The following MEPCE variants were observed in gnomAD, a reference collection of about 807,000 sequenced individuals.
The protein encoded by MEPCE is methylphosphate capping enzyme.
In MEPCE, 9 loss-of-function variants were observed where a neutral mutation model predicts 52.3. The observed-to-expected ratio is 0.17, with a 90% CI of 0.10 to 0.30. The LOEUF is 0.30. MEPCE is among the 10% of genes least tolerant of loss of function. The pLI is 1.00. For missense variants in MEPCE, 826 were observed against 933.0 expected (o/e 0.89, Z 1.49); for synonymous variants, 477 against 401.6 (o/e 1.19, Z -2.25).
At position 100,429,961 on chromosome 7, in the gene MEPCE, G is replaced by A. The variant is rs112683556; in HGVS notation, c.-58G>A. The A allele has an allele frequency of 5.1e-6, 6 of 1,187,642 alleles. No homozygotes were observed. The highest frequency in any genetic ancestry group is 6.4e-6 in the Non-Finnish European group (6 of 944,464). The allele number at this position is 1,187,642 out of a possible 1,614,324, so 73.6% of individuals were successfully genotyped here. ...GGAAGGGAGCAGGGTCCAGGCAGGGGGGGTTAGGCCCCCTGATCCCCCTCG... is the reference window on the plus strand; with the variant it reads ...GGAAGGGAGCAGGGTCCAGGCAGGGAGGGTTAGGCCCCCTGATCCCCCTCG... On this transcript the variant is annotated 5_prime_UTR_variant, in exon 1 of 4. Coordinates refer to ENST00000310512, the MANE Select transcript of MEPCE (RefSeq NM_019606.6).
Position 100,430,292 on chromosome 7 carries a change from G to T in MEPCE, c.274G>T (p.Ala92Ser). 1 of 1,407,446 alleles carries T rather than the reference G, an allele frequency of 7.1e-7. No individual in the cohort carries two copies. Among genetic ancestry groups the T allele is most frequent in the Non-Finnish European group, 9.2e-7 (1 of 1,084,876 alleles). 87.2% of individuals were successfully genotyped at this position (1,407,446 alleles called of 1,614,324 possible). Reference protein sequence around the residue: ...AQQHRGGGPQAQSHGEARLSD... With the variant: ...AQQHRGGGPQSQSHGEARLSD... ...GCAGCACCGAGGGGGCGGCCCCCAG[G>T]CGCAGTCGCATGGGGAGGCCCGCCT... The change falls in exon 1 of 4, where the codon GCG becomes TCG. Residue 92 changes from alanine (A) to serine (S), a missense_variant. Around this residue, in one of 7 missense-constraint regions of MEPCE, gnomAD observed 314 missense variants for 277.7 expected, o/e 1.13. Coordinates refer to ENST00000310512, the MANE Select transcript of MEPCE (RefSeq NM_019606.6).
intron 1 of MEPCE, among the ~76,000 whole-genome samples, chr7:100,432,236 T>C (rs1798739250): frequency 6.6e-6 from 1 of 152,064 alleles, no homozygotes; most frequent in Admixed American, 6.6e-5. Context: ...CCTCTCCACA[T>C]TGACCCTAGA....
chr7:100,430,806 A>G lies in MEPCE; in HGVS notation c.788A>G (p.His263Arg). The G allele has an allele frequency of 6.2e-7, 1 of 1,613,378 alleles. No homozygotes were observed. Among genetic ancestry groups the G allele is most frequent in the Non-Finnish European group, 8.5e-7 (1 of 1,179,660 alleles). ...CCACTCAAGACTGGTCGGAAGCGGC[A>G]TAGACACCGGGGACAGCACCACCAG... The part of the protein sequence containing the change: ...ASPLKTGRKR[H>R]RHRGQHHQQQ... Residue 263 changes from histidine to arginine, a missense_variant, in exon 1 of 4, where the codon CAT (histidine) becomes CGT (arginine). Around this residue, in one of 7 missense-constraint regions of MEPCE, gnomAD observed 307 missense variants for 292.1 expected, o/e 1.05. Transcript: ENST00000310512.
At chr7:100,432,829 G>A (rs1019768392) in intron 1 of MEPCE, 90 bp from the exon 2 acceptor site, 21 of 1,177,792 alleles carry the variant, frequency 1.8e-5, no homozygotes, top group Middle Eastern at 2.0e-4. Flanking sequence ...AAGTGAGGCC[G>A]CGGGACTGTA....
Position 100,430,239 on chromosome 7 carries a change from C to G in MEPCE, c.221C>G (p.Ala74Gly). The change falls in exon 1 of 4, where the codon GCC (alanine) becomes GGC (glycine). Residue 74 changes from alanine to glycine, a missense_variant. Around this residue, in one of 7 missense-constraint regions of MEPCE, gnomAD observed 314 missense variants for 277.7 expected, o/e 1.13. Coordinates refer to ENST00000310512, the MANE Select transcript of MEPCE (RefSeq NM_019606.6). Reference protein sequence around the residue: ...AVGRESPGAAATSSSGPQAQQ... With the variant: ...AVGRESPGAAGTSSSGPQAQQ... ...GGTCGGGAAAGCCCCGGGGCCGCGG[C>G]CACCTCCTCCAGTGGTCCCCAGGCG... 7.5e-7 allele frequency: 1 copy of G among 1,337,838 alleles called. No individual in the cohort carries two copies. The highest frequency in any genetic ancestry group is 1.5e-5 in the African/African-American group (1 of 64,992). The allele number at this position is 1,337,838 out of a possible 1,614,324, so 82.9% of individuals were successfully genotyped here.
intron 1 of MEPCE, 82 bp from the exon 2 acceptor site, chr7:100,432,837 G>GT (rs1798759829): frequency 8.0e-7 from 1 of 1,256,474 alleles, no homozygotes; most frequent in South Asian, 1.2e-5. Context: ...CCGCGGGACT[G>GT]TATCGGCCTC....
At position 100,430,842 on chromosome 7, in the gene MEPCE, C is replaced by T; in HGVS notation, c.824C>T (p.Ala275Val). 1 of 1,611,070 alleles carries T rather than the reference C, an allele frequency of 6.2e-7. No homozygotes were observed. Residue 275 changes from alanine to valine, a missense_variant, in exon 1 of 4, where the codon GCA (alanine) becomes GTA (valine). Transcript: ENST00000310512. ...GGACAGCACCACCAGCAGCAGCAGG[C>T]AGCCGGAGGGAGTGAGAGTCACCCC... is the stretch of plus-strand genomic sequence containing the variant. Reference protein sequence around the residue: ...HRGQHHQQQQAAGGSESHPVP... With the variant: ...HRGQHHQQQQVAGGSESHPVP...
At position 100,431,310 on chromosome 7, in the gene MEPCE, A is replaced by T; in HGVS notation, c.1292A>T (p.Asp431Val). The T allele has an allele frequency of 1.2e-6, 2 of 1,614,134 alleles. No individual in the cohort carries two copies. The highest frequency in any genetic ancestry group is 1.7e-6 in the Non-Finnish European group (2 of 1,180,026). ...GGGTACCGCAATCCTTCCTGTGAGGATGGGCGCCTTCGGGTGTTGAAGCCT... is the reference window on the plus strand; with the variant it reads ...GGGTACCGCAATCCTTCCTGTGAGGTTGGGCGCCTTCGGGTGTTGAAGCCT... ...YYGYRNPSCE[D>V]GRLRVLKPEW... The change falls in exon 1 of 4, where the codon GAT becomes GTT. Residue 431 changes from aspartate (D) to valine (V), a missense_variant. Coordinates refer to ENST00000310512, the MANE Select transcript of MEPCE (RefSeq NM_019606.6).
At chr7:100,429,135 G>A (rs1448164057), upstream of MEPCE, 6 of 152,196 alleles carry the variant, frequency 3.9e-5, no homozygotes, top group Admixed American at 2.0e-4. Flanking sequence ...CCTCGGAAGC[G>A]CTTCTAAGAA....
Position 100,430,034 on chromosome 7 carries a change from G to A in MEPCE, c.16G>A (p.Ala6Thr). The A allele has an allele frequency of 7.9e-7, 1 of 1,272,592 alleles. No homozygotes were observed. Among genetic ancestry groups the A allele is most frequent in the Non-Finnish European group, 9.9e-7 (1 of 1,009,854 alleles). The allele number at this position is 1,272,592 out of a possible 1,614,324, so 78.8% of individuals were successfully genotyped here. Residue 6 changes from alanine (A) to threonine (T), a missense_variant, in exon 1 of 4, where the codon GCG (alanine) becomes ACG (threonine). By Grantham distance (58) the Ala-to-Thr change is moderately conservative. Around this residue, in one of 7 missense-constraint regions of MEPCE, gnomAD observed 314 missense variants for 277.7 expected, o/e 1.13. Transcript: ENST00000310512. MIEMA[A>T]EKEPFLVPAP... ...AGGGGAGGAAATGATCGAGATGGCG[G>A]CGGAGAAGGAGCCGTTTCTGGTGCC...
chr7:100,433,736 G>T lies in MEPCE; in HGVS notation c.*182G>T. On this transcript the variant is annotated 3_prime_UTR_variant, in exon 4 of 4. Transcript: ENST00000310512. Reference sequence around the variant, plus strand: ...CCTCCTCCCTATGCCTCTGGCACCTGCGCAGCAAGGCTGGCTGTGCTGGAG... The same window carrying T: ...CCTCCTCCCTATGCCTCTGGCACCTTCGCAGCAAGGCTGGCTGTGCTGGAG... 1 of 632,072 alleles carries T rather than the reference G, an allele frequency of 1.6e-6. No homozygotes were observed. Among genetic ancestry groups the T allele is most frequent in the Non-Finnish European group, 2.7e-6 (1 of 366,060 alleles). 39.2% of individuals were successfully genotyped at this position (632,072 alleles called of 1,614,324 possible). A position where few individuals can be genotyped will look rare whatever the true frequency, so the allele number is the denominator to read the frequency against.
chr7:100,429,133 G>A (rs1283811896), upstream of MEPCE: 1 of 152,262 alleles, frequency 6.6e-6, no homozygotes, highest in African/African-American at 2.4e-5. Context: ...TCCCTCGGAA[G>A]CGCTTCTAAG....
Position 100,431,519 on chromosome 7 carries a change from A to G in MEPCE, c.1501A>G (p.Thr501Ala). 6.2e-7 allele frequency: 1 copy of G among 1,613,180 alleles called. No homozygotes were observed. ...LSEELRLPPQ[T>A]LEGDPGAEGE... is the part of the protein sequence containing the mutation. ...CGAGGAGCTGCGTCTCCCACCCCAG[A>G]CTTTGGAAGGGGACCCGGGGGCAGA... The change falls in exon 1 of 4, where the codon ACT becomes GCT. Residue 501 changes from threonine to alanine, a missense_variant. This residue lies in a region of MEPCE where 107 missense variants were observed against 157.9 expected (regional missense o/e 0.68). Transcript: ENST00000310512.
chr7:100,431,291 C>T lies in MEPCE; in HGVS notation c.1273C>T (p.Arg425Cys), dbSNP rs1473273452. ...GAATTATTGCAAATACTATGGGTAC[C>T]GCAATCCTTCCTGTGAGGATGGGCG... ...YGNYCKYYGYRNPSCEDGRLR... is the reference protein window; with the variant it reads ...YGNYCKYYGYCNPSCEDGRLR... The change falls in exon 1 of 4, where the codon CGC (arginine) becomes TGC (cysteine). Residue 425 changes from arginine to cysteine, a missense_variant. This residue lies in a region of MEPCE where 307 missense variants were observed against 292.1 expected (regional missense o/e 1.05). Transcript: ENST00000310512. 4 of 1,614,128 alleles carry T rather than the reference C, an allele frequency of 2.5e-6. No homozygotes were observed. In the African/African-American group the frequency reaches 4.0e-5, roughly 16 times the overall value.
rs765652425 is a variant in MEPCE at position 100,433,970 on chromosome 7, G to T, written c.*416G>T. ...TGCATTTCAGTGGACCATGGATAGA[G>T]GGACTGAGGGTTAGACGGGGAAGAC... On this transcript the variant is annotated 3_prime_UTR_variant, in exon 4 of 4. Coordinates refer to ENST00000310512, the MANE Select transcript of MEPCE (RefSeq NM_019606.6). 1 of 186,662 alleles carries T rather than the reference G, an allele frequency of 5.4e-6. No individual in the cohort carries two copies. The highest frequency in any genetic ancestry group is 1.1e-5 in the Non-Finnish European group (1 of 88,746). The allele number at this position is 186,662 out of a possible 1,614,324, so 11.6% of individuals were successfully genotyped here.
chr7:100,433,192 C>G, intron 2 of MEPCE, 55 bp downstream of exon 2: 1 of 1,613,074 alleles, frequency 6.2e-7, no homozygotes, highest in Non-Finnish European at 8.5e-7. Flanking sequence ...AGAAAAGGCC[C>G]CGAGGTGGGC....
rs1289930614 is a variant in MEPCE, at chr7:100,434,105, G to A, written c.*551G>A. ...ACAGCACAATAAACTTGATGTCTAGGGCAGTGGCCCCCACACCTGTCTCGG... is the reference window on the plus strand; with the variant it reads ...ACAGCACAATAAACTTGATGTCTAGAGCAGTGGCCCCCACACCTGTCTCGG... On this transcript the variant is annotated 3_prime_UTR_variant, in exon 4 of 4. Coordinates refer to ENST00000310512, the MANE Select transcript of MEPCE (RefSeq NM_019606.6). 1 of 153,840 alleles carries A rather than the reference G, an allele frequency of 6.5e-6. No homozygotes were observed. Among genetic ancestry groups the A allele is most frequent in the Non-Finnish European group, 1.4e-5 (1 of 69,016 alleles). 9.5% of individuals were successfully genotyped at this position (153,840 alleles called of 1,614,324 possible). A position where few individuals can be genotyped will look rare whatever the true frequency, so the allele number is the denominator to read the frequency against.
chr7:100,432,811 A>G (rs745431661), intron 1 of MEPCE, 108 bp from the exon 2 acceptor site: 7 of 983,150 alleles, frequency 7.1e-6, no homozygotes, highest in Non-Finnish European at 1.1e-5. Context: ...GAAAGTGGCC[A>G]CGGGCTAAAG....
chr7:100,432,956 C>A lies in MEPCE; in HGVS notation c.1709C>A (p.Ala570Asp). ...CTGGATCGAGATGACCTGGTGGAGG[C>A]CCAAACACCTGAGTATGATGTGGTG... is the stretch of plus-strand genomic sequence containing the variant. ...YVLDRDDLVE[A>D]QTPEYDVVLC... The change falls in exon 2 of 4, where the codon GCC (alanine) becomes GAC (aspartate). Residue 570 changes from alanine (A) to aspartate (D), a missense_variant. Ala to Asp is a moderately radical substitution (Grantham distance 126, BLOSUM62 -2). Transcript: ENST00000310512. The A allele has an allele frequency of 6.2e-7, 1 of 1,614,026 alleles. No homozygotes were observed. The highest frequency in any genetic ancestry group is 8.5e-7 in the Non-Finnish European group (1 of 1,180,020).
Sources: allele counts gnomAD v4.1 joint callset (sites outside exome capture counted in the v4.1 genomes callset), GRCh38; gene constraint gnomAD v4.1.1; regional missense constraint gnomAD v4.1.1; transcripts MANE v1.5; gene names NCBI Gene and HGNC (gene_info 2026-07-23, HGNC 2026-07-21).